GPC6: variants seen among roughly 807,000 people sequenced by gnomAD.
The protein encoded by GPC6 is glypican-6.
Under a neutral mutation model 55.2 loss-of-function variants are expected in GPC6, and 14 were observed. The ratio of observed to expected loss-of-function variants is 0.25; its 90% CI spans 0.17 to 0.40. GPC6 has a LOEUF of 0.40. GPC6 is among the 10% of genes least tolerant of loss of function. The pLI is 1.00. For synonymous variants in GPC6, 278 were observed against 259.6 expected (o/e 1.07, Z -0.68); for missense variants, 641 against 708.5 (o/e 0.90, Z 1.08).
chr13:93,874,240 C>T (rs944543228), intron 3 of GPC6, among the ~76,000 whole-genome samples: 1 of 151,716 alleles, frequency 6.6e-6, no homozygotes, highest in Non-Finnish European at 1.5e-5. Context: ...CATCATTGTT[C>T]CTTCTTTGTG....
intron 2 of GPC6, among the ~76,000 whole-genome samples, chr13:93,598,228 T>G (rs1222708355): frequency 6.6e-6 from 1 of 152,220 alleles, no homozygotes; most frequent in African/African-American, 2.4e-5. Context: ...CCCCACAGTA[T>G]TCAAGGGTCA....
At chr13:93,486,954 A>AC (rs1879738640) in intron 1 of GPC6, among the ~76,000 whole-genome samples, 1 of 138,832 alleles carries the variant, frequency 7.2e-6, no homozygotes, top group Non-Finnish European at 1.6e-5. Context: ...AAAAAAAAAA[A>AC]AAACAAAAAA....
intron 1 of GPC6, among the ~76,000 whole-genome samples, chr13:93,457,649 A>G (rs1416434846): frequency 6.6e-6 from 1 of 152,198 alleles, no homozygotes; most frequent in Non-Finnish European, 1.5e-5. Context: ...CAGCAAAAAA[A>G]AATTTGTACT....
At chr13:93,780,275 C>CA (rs200245666) in intron 2 of GPC6, among the ~76,000 whole-genome samples, 70 of 147,050 alleles carry the variant, frequency 4.8e-4, no homozygotes, top group Middle Eastern at 3.5e-3. Context: ...AATTTAAAAG[C>CA]AAAAAAAAAC....
chr13:93,917,380 C>T (rs1417518879), intron 3 of GPC6, among the ~76,000 whole-genome samples: 1 of 151,794 alleles, frequency 6.6e-6, no homozygotes, highest in East Asian at 1.9e-4. Context: ...TGTTTTTTTT[C>T]AAGTTTCAAA....
intron 3 of GPC6, among the ~76,000 whole-genome samples, chr13:93,934,255 A>T (rs1228949176): frequency 6.6e-6 from 1 of 152,180 alleles, no homozygotes; most frequent in Non-Finnish European, 1.5e-5. Flanking sequence ...TTTTGAATGG[A>T]GATGAGCTGC....
chr13:93,647,510 AACTC>A (rs1389044284), intron 2 of GPC6, among the ~76,000 whole-genome samples: 1 of 152,118 alleles, frequency 6.6e-6, no homozygotes, highest in Non-Finnish European at 1.5e-5. Context: ...TTTTGTAGGG[AACTC>A]ATGAGAACTA....
intron 1 of GPC6, among the ~76,000 whole-genome samples, chr13:93,535,488 A>G (rs1446059708): frequency 6.6e-6 from 1 of 152,082 alleles, no homozygotes; most frequent in Non-Finnish European, 1.5e-5. Flanking sequence ...TGTAATGCCA[A>G]AGTAGTCATA....
intron 7 of GPC6, among the ~76,000 whole-genome samples, chr13:94,397,592 G>A (rs1880946433): frequency 6.6e-6 from 1 of 152,066 alleles, no homozygotes; most frequent in African/African-American, 2.4e-5. Context: ...CCCCAAAGCA[G>A]GTTTTTCATA....
At chr13:94,354,891 A>G (rs931212404) in intron 6 of GPC6, among the ~76,000 whole-genome samples, 3 of 152,224 alleles carry the variant, frequency 2.0e-5, no homozygotes, top group Non-Finnish European at 2.9e-5. Flanking sequence ...CATGATGAAG[A>G]CAAGGATGGA....
At chr13:93,796,648 C>T (rs955767054) in intron 2 of GPC6, among the ~76,000 whole-genome samples, 1 of 152,172 alleles carries the variant, frequency 6.6e-6, no homozygotes, top group Admixed American at 6.5e-5. Context: ...GAAAGCTTCT[C>T]CTTCCTCCAG....
chr13:93,727,687 A>G (rs1883690620), intron 2 of GPC6, among the ~76,000 whole-genome samples: 1 of 152,216 alleles, frequency 6.6e-6, no homozygotes, highest in African/African-American at 2.4e-5. Context: ...CTGCATTCCA[A>G]TAAAATTTTA....
chr13:93,832,112 AAAAAAAAAAAATATATATATATAT>A (rs1887527906), intron 3 of GPC6, among the ~76,000 whole-genome samples: 1 of 65,380 alleles, frequency 1.5e-5, no homozygotes, highest in South Asian at 5.4e-4. Context: ...AAAAAAAAAA[AAAAAAAAAAAATATATATATATAT>A]ATATATATAA....
chr13:93,346,088 A>G (rs1225350696), intron 1 of GPC6, among the ~76,000 whole-genome samples: 1 of 152,206 alleles, frequency 6.6e-6, no homozygotes, highest in Admixed American at 6.5e-5. Context: ...ACACAAATGA[A>G]GCTGAACTGT....
At chr13:94,308,216 CAG>C (rs1367775804) in intron 6 of GPC6, among the ~76,000 whole-genome samples, 1 of 152,136 alleles carries the variant, frequency 6.6e-6, no homozygotes, top group East Asian at 1.9e-4. Flanking sequence ...CACCCTTAAA[CAG>C]GGGAAGTAGA....
intron 4 of GPC6, among the ~76,000 whole-genome samples, chr13:94,036,116 A>G (rs1445865904): frequency 2.0e-5 from 3 of 152,178 alleles, no homozygotes; most frequent in South Asian, 4.1e-4. Flanking sequence ...GGGAGTGGGT[A>G]TAAGTATTAA....
chr13:93,795,887 A>C (rs1457414601), intron 2 of GPC6, among the ~76,000 whole-genome samples: 1 of 152,178 alleles, frequency 6.6e-6, no homozygotes, highest in Non-Finnish European at 1.5e-5. Context: ...TGAGTTGGAA[A>C]GGCATCCAGA....
At chr13:94,329,809 T>C (rs754939855) in intron 6 of GPC6, among the ~76,000 whole-genome samples, 2 of 151,802 alleles carry the variant, frequency 1.3e-5, no homozygotes, top group Non-Finnish European at 2.9e-5. Context: ...CTTACCTTGG[T>C]CCTATTTGGG....
chr13:93,340,381 G>C (rs562131281), intron 1 of GPC6, among the ~76,000 whole-genome samples: 37 of 152,066 alleles, frequency 2.4e-4, no homozygotes, highest in Non-Finnish European at 3.7e-4. Context: ...CATTTTCAAG[G>C]CTCTTGAGAT....
Sources: gnomAD v4.1 joint callset for allele counts (sites outside exome capture counted in the v4.1 genomes callset) on GRCh38, gnomAD v4.1.1 for gene constraint, MANE v1.5 for transcripts, NCBI Gene and HGNC (gene_info 2026-07-23, HGNC 2026-07-21) for gene names.